GRM7: variants seen among roughly 807,000 people sequenced by gnomAD.
GRM7 encodes glutamate metabotropic receptor 7.
Under a neutral mutation model 84.5 loss-of-function variants are expected in GRM7, and 35 were observed. The ratio of observed to expected loss-of-function variants is 0.41; its 90% CI spans 0.32 to 0.55. The LOEUF (loss-of-function observed/expected upper bound fraction) is 0.55, where lower values mean the gene tolerates loss of function less well. Among genes scored for constraint, GRM7 ranks in the 20% least tolerant of loss-of-function variants. The probability of loss-of-function intolerance (pLI) is 0.19; values close to 1 mark genes in which losing one functional copy is unlikely to be tolerated. For missense variants in GRM7, 1,003 were observed against 1,194.6 expected (o/e 0.84, Z 2.36); for synonymous variants, 487 against 455.1 (o/e 1.07, Z -0.89).
At position 7,572,858 on chromosome 3, in the gene GRM7, ATATATATATATATATAT is replaced by A. The variant is rs1559411877; in HGVS notation, c.1516-5563_1516-5547del. Among the ~76,000 whole-genome samples the A allele has an allele frequency of 7.3e-4, 43 of 58,820 alleles. 3 individuals carry two copies. Among genetic ancestry groups the A allele is most frequent in the African/African-American group, 3.1e-3 (42 of 13,430 alleles). 38.6% of individuals were successfully genotyped at this position (58,820 alleles called of 152,430 possible). A position where few individuals can be genotyped will look rare whatever the true frequency, so the allele number is the denominator to read the frequency against. ...TATATATATATATATATATATATAT[ATATATATATATATATAT>A]ATATAAATAATCTTTCTACCTATAA... On this transcript the variant is annotated intron_variant, in intron 7 of 9. Coordinates refer to ENST00000357716, the MANE Select transcript of GRM7 (RefSeq NM_000844.4).
chr3:7,156,154 G>C (rs1694441951), intron 2 of GRM7, among the ~76,000 whole-genome samples: 1 of 152,134 alleles, frequency 6.6e-6, no homozygotes, highest in African/African-American at 2.4e-5. Flanking sequence ...GGTGCTCATA[G>C]GAGACTAAGT....
At chr3:6,968,428 T>TA (rs1184010378) in intron 1 of GRM7, among the ~76,000 whole-genome samples, 1 of 152,198 alleles carries the variant, frequency 6.6e-6, no homozygotes, top group African/African-American at 2.4e-5. Context: ...GAACTTCAAA[T>TA]ATATTTTTGG....
chr3:7,498,460 T>C (rs1699777823), intron 7 of GRM7, among the ~76,000 whole-genome samples: 1 of 152,234 alleles, frequency 6.6e-6, no homozygotes, highest in Non-Finnish European at 1.5e-5. Flanking sequence ...ACATTGTTTC[T>C]TGTTAAGCAA....
Position 7,067,424 on chromosome 3 carries a change from G to A in GRM7, c.520-79028G>A, listed in dbSNP as rs145639842. 4.7e-3 allele frequency among the ~76,000 whole-genome samples: 721 copies of A among 151,994 alleles called. 8 individuals carry two copies. The highest frequency in any genetic ancestry group is 0.017 in the African/African-American group (692 of 41,488). On this transcript the variant is annotated intron_variant, in intron 1 of 9. Coordinates refer to ENST00000357716, the MANE Select transcript of GRM7 (RefSeq NM_000844.4). ...CAAGAACTCAACCCTTTTTACAATA[G>A]CTGCAAAAAATAAAAATAAAATACT...
At chr3:7,718,673 G>T (rs1233436086) in intron 9 of GRM7, among the ~76,000 whole-genome samples, 1 of 152,092 alleles carries the variant, frequency 6.6e-6, no homozygotes, top group Non-Finnish European at 1.5e-5. Context: ...GGCCTACCTG[G>T]GGAGGAGACT....
chr3:6,918,643 A>G (rs1697021491), intron 1 of GRM7, among the ~76,000 whole-genome samples: 1 of 152,214 alleles, frequency 6.6e-6, no homozygotes, highest in Admixed American at 6.5e-5. Flanking sequence ...GTACTCTGCC[A>G]AGAATAGTTA....
At chr3:7,163,611 G>C (rs778321346) in intron 2 of GRM7, among the ~76,000 whole-genome samples, 1 of 152,196 alleles carries the variant, frequency 6.6e-6, no homozygotes, top group Non-Finnish European at 1.5e-5. Context: ...GGAGACAGTA[G>C]AAGTGCTGTG....
intron 1 of GRM7, among the ~76,000 whole-genome samples, chr3:7,008,242 G>A (rs577187729): frequency 1.3e-5 from 2 of 152,238 alleles, no homozygotes; most frequent in South Asian, 4.1e-4. Flanking sequence ...GGGCTAATTG[G>A]CTGTGCAGCA....
intron 9 of GRM7, among the ~76,000 whole-genome samples, chr3:7,696,420 T>G (rs162774): frequency 0.61 from 93,016 of 152,040 alleles, 29,206 homozygotes; most frequent in East Asian, 0.92. Context: ...AGTACATGGA[T>G]AATGACTACA....
chr3:7,588,966 A>C (rs1695649346), intron 8 of GRM7, among the ~76,000 whole-genome samples: 1 of 152,232 alleles, frequency 6.6e-6, no homozygotes, highest in Admixed American at 6.5e-5. Context: ...ACAGACCCAA[A>C]GCCCTAGATC....
At chr3:6,880,923 T>C (rs547448450) in intron 1 of GRM7, among the ~76,000 whole-genome samples, 8 of 152,324 alleles carry the variant, frequency 5.3e-5, no homozygotes, top group South Asian at 2.1e-4. Context: ...TTATAATCAG[T>C]ATGTTATTAT....
At chr3:6,892,540 A>T (rs1048324754) in intron 1 of GRM7, 1 of 152,188 alleles carries the variant, frequency 6.6e-6, no homozygotes, top group Non-Finnish European at 1.5e-5. Flanking sequence ...CTACATATCC[A>T]GGAAGGTATA....
intron 1 of GRM7, among the ~76,000 whole-genome samples, chr3:7,092,276 CAG>C (rs1698693183): frequency 6.6e-6 from 1 of 152,206 alleles, no homozygotes; most frequent in South Asian, 2.1e-4. Flanking sequence ...ATCTTCATGA[CAG>C]AACTTCTAAA....
At chr3:6,895,363 G>A (rs1405808340) in intron 1 of GRM7, among the ~76,000 whole-genome samples, 1 of 152,108 alleles carries the variant, frequency 6.6e-6, no homozygotes, top group Non-Finnish European at 1.5e-5. Flanking sequence ...CTTTGAACAG[G>A]GAACAAACAA....
At chr3:7,047,017 C>T (rs910481232) in intron 1 of GRM7, among the ~76,000 whole-genome samples, 3 of 151,920 alleles carry the variant, frequency 2.0e-5, no homozygotes, top group Admixed American at 6.6e-5. Context: ...GCCATTGAGG[C>T]AGATCCAAGG....
At chr3:7,204,460 C>G (rs912402298) in intron 2 of GRM7, among the ~76,000 whole-genome samples, 1 of 152,218 alleles carries the variant, frequency 6.6e-6, no homozygotes, top group Non-Finnish European at 1.5e-5. Context: ...GTCATGAAAT[C>G]TATTGGCTTA....
At chr3:7,028,721 A>C (rs923116679) in intron 1 of GRM7, among the ~76,000 whole-genome samples, 1 of 152,224 alleles carries the variant, frequency 6.6e-6, no homozygotes, top group African/African-American at 2.4e-5. Flanking sequence ...GATCTCAGTC[A>C]GTAGGAAATG....
chr3:7,041,087 A>G (rs559327096), intron 1 of GRM7, among the ~76,000 whole-genome samples: 108 of 152,130 alleles, frequency 7.1e-4, no homozygotes, highest in East Asian at 9.7e-4. Context: ...CTCAAAAAAA[A>G]AAAAAAAAAA....
At chr3:7,116,855 C>A (rs772641115) in intron 1 of GRM7, among the ~76,000 whole-genome samples, 44 of 152,074 alleles carry the variant, frequency 2.9e-4, no homozygotes, top group Non-Finnish European at 4.4e-4. Flanking sequence ...TAAATGAGTT[C>A]TCTCTCAGTG....
Sources: gnomAD v4.1 joint callset for allele counts (sites outside exome capture counted in the v4.1 genomes callset) on GRCh38, gnomAD v4.1.1 for gene constraint, MANE v1.5 for transcripts, NCBI Gene and HGNC (gene_info 2026-07-23, HGNC 2026-07-21) for gene names.